DNAH9: variants seen among roughly 807,000 people sequenced by gnomAD.
The protein encoded by DNAH9 is dynein axonemal heavy chain 9, also known as DNAH9 variant protein.
In DNAH9, 345 loss-of-function variants were observed where a neutral mutation model predicts 471.6. That is an observed-to-expected ratio of 0.73 (90% confidence interval 0.67 to 0.80). DNAH9 has a LOEUF of 0.80. Ranked by LOEUF, DNAH9 falls within the 30% of genes least tolerant of loss-of-function variation. The pLI, the probability that DNAH9 is intolerant of heterozygous loss-of-function variation, is 0.00. For missense variants in DNAH9, 5,407 were observed against 5,609.2 expected, an observed-to-expected ratio of 0.96 and a Z score of 1.15; for synonymous variants, 2,093 against 2,123.6, an observed-to-expected ratio of 0.99 and a Z score of 0.40.
intron 8 of DNAH9, among the ~76,000 whole-genome samples, chr17:11,636,240 G>A (rs1173948329): frequency 3.9e-5 from 6 of 152,192 alleles, no homozygotes; most frequent in Admixed American, 6.5e-5. Flanking sequence ...TCCTGACCTC[G>A]TGATCCACCC....
At chr17:11,777,459 A>G (rs537676526) in intron 38 of DNAH9, among the ~76,000 whole-genome samples, 1 of 152,246 alleles carries the variant, frequency 6.6e-6, no homozygotes, top group Non-Finnish European at 1.5e-5. Context: ...ATAAAGACCC[A>G]CAAGACAGAA....
chr17:11,664,958 G>A lies in DNAH9; in HGVS notation c.2721G>A (p.Leu907=). Residue 907 remains leucine, a synonymous_variant, in exon 15 of 69, where the codon CTG becomes CTA. Transcript: ENST00000262442. The part of the protein sequence containing the change: ...LAIECSLKYL[L]ENTECKAGLT... ...TTGAGTGCTCCCTCAAGTATCTTCTGGAAAATACTGGTACTTACTGGCTTA... is the reference window on the plus strand; with the variant it reads ...TTGAGTGCTCCCTCAAGTATCTTCTAGAAAATACTGGTACTTACTGGCTTA... The A allele has an allele frequency of 6.2e-7, 1 of 1,612,690 alleles. No homozygotes were observed. The highest frequency in any genetic ancestry group is 8.5e-7 in the Non-Finnish European group (1 of 1,179,182).
At chr17:11,829,644 G>C (rs1970620617) in intron 48 of DNAH9, among the ~76,000 whole-genome samples, 1 of 152,012 alleles carries the variant, frequency 6.6e-6, no homozygotes, top group Admixed American at 6.6e-5. Context: ...GCTAATTTTT[G>C]TATTTTTAGT....
chr17:11,846,017 T>A (rs1971211917), intron 49 of DNAH9, among the ~76,000 whole-genome samples: 1 of 152,186 alleles, frequency 6.6e-6, no homozygotes, highest in Non-Finnish European at 1.5e-5. Context: ...TTACATCCCA[T>A]TTGTCAGTTT....
chr17:11,868,996 CT>C (rs1477745542), intron 50 of DNAH9, 137 bp from the exon 51 acceptor site: 1 of 1,034,842 alleles, frequency 9.7e-7, no homozygotes, highest in African/African-American at 1.6e-5. Flanking sequence ...GTTCTCTGCC[CT>C]GCTTTCCCTG....
chr17:11,761,796 G>A lies in DNAH9; in HGVS notation c.6996-1644G>A, dbSNP rs539146551. 3.5e-4 allele frequency among the ~76,000 whole-genome samples: 54 copies of A among 152,234 alleles called. 1 individual carries two copies. In the South Asian group the frequency reaches 0.011, roughly 32 times the overall value. ...GGAAAGCAGCTACCTTCCCTGTGCA[G>A]GAGGGGACACTCATTGCCTACCCAG... On this transcript the variant is annotated intron_variant, in intron 35 of 68. Coordinates refer to ENST00000262442, the MANE Select transcript of DNAH9 (RefSeq NM_001372.4).
At chr17:11,700,758 C>T (rs769881137) in intron 23 of DNAH9, among the ~76,000 whole-genome samples, 7 of 152,122 alleles carry the variant, frequency 4.6e-5, no homozygotes, top group East Asian at 1.9e-4. Context: ...TCCTGGTTTG[C>T]GCTTCATACT....
At chr17:11,779,225 T>G (rs1354804541) in intron 38 of DNAH9, among the ~76,000 whole-genome samples, 4 of 152,138 alleles carry the variant, frequency 2.6e-5, no homozygotes, top group Non-Finnish European at 4.4e-5. Context: ...GTTTCCAGGC[T>G]TGTTGAGAAC....
chr17:11,781,496 C>T (rs1968663784), intron 39 of DNAH9, among the ~76,000 whole-genome samples: 1 of 152,190 alleles, frequency 6.6e-6, no homozygotes, highest in East Asian at 1.9e-4. Flanking sequence ...AACCACTTCC[C>T]CTGCACCATG....
intron 51 of DNAH9, among the ~76,000 whole-genome samples, chr17:11,871,262 C>A (rs1187482935): frequency 2.0e-5 from 3 of 152,222 alleles, no homozygotes; most frequent in African/African-American, 7.2e-5. Context: ...GTTCCACAGA[C>A]CAGGTATTGT....
At chr17:11,757,404 C>T (rs2150859610) in intron 34 of DNAH9, 141 bp from the exon 35 acceptor site, 5 of 731,084 alleles carry the variant, frequency 6.8e-6, no homozygotes, top group East Asian at 5.4e-5. Flanking sequence ...CCCATTTACC[C>T]GCTCACATCT....
At chr17:11,815,461 A>G (rs1002181604) in intron 45 of DNAH9, among the ~76,000 whole-genome samples, 1 of 151,920 alleles carries the variant, frequency 6.6e-6, no homozygotes, top group Admixed American at 6.6e-5. Flanking sequence ...ACTCCAATCC[A>G]TTCTCCTCAC....
intron 52 of DNAH9, among the ~76,000 whole-genome samples, chr17:11,873,784 G>A (rs1207056822): frequency 2.1e-5 from 3 of 143,742 alleles, no homozygotes; most frequent in African/African-American, 7.9e-5. Context: ...TATGGGATTT[G>A]GGGGTGATGA....
chr17:11,685,335 C>G (rs544566032), intron 19 of DNAH9, among the ~76,000 whole-genome samples: 1 of 152,288 alleles, frequency 6.6e-6, no homozygotes, highest in South Asian at 2.1e-4. Context: ...ATGTAAGAAA[C>G]AGCTGGAAAA....
rs2073945593 is a variant in DNAH9, at chr17:11,669,781, C to G, written c.3340C>G (p.His1114Asp). 1 of 1,613,508 alleles carries G rather than the reference C, an allele frequency of 6.2e-7. No homozygotes were observed. The highest frequency in any genetic ancestry group is 1.1e-5 in the South Asian group (1 of 91,058). The change falls in exon 17 of 69, where the codon CAC becomes GAC. Residue 1114 changes from histidine to aspartate, a missense_variant. Transcript: ENST00000262442. ...SLLFKQHLVD[H>D]VTHSLANLDA... is the part of the protein sequence containing the mutation. Reference sequence around the variant, plus strand: ...CCTGTTCAAACAGCATCTTGTGGACCACGTCACTCACAGGTACAACAGTTG... The same window carrying G: ...CCTGTTCAAACAGCATCTTGTGGACGACGTCACTCACAGGTACAACAGTTG...
chr17:11,783,224 G>A lies in DNAH9; in HGVS notation c.7719-422G>A, dbSNP rs537497727. Among the ~76,000 whole-genome samples, 4 of 152,252 alleles carry A rather than the reference G, an allele frequency of 2.6e-5. No individual in the cohort carries two copies. The South Asian group carries it at 8.3e-4, about 32-fold the overall frequency. ...ATAAGTGGAAAAGAGGGATGAGGAA[G>A]GGGCATTACTGGCCCAACCAGAGAT... is the stretch of plus-strand genomic sequence containing the variant. On this transcript the variant is annotated intron_variant, in intron 39 of 68. Transcript: ENST00000262442.
Position 11,757,657 on chromosome 17 carries a change from G to A in DNAH9, c.6960G>A (p.Lys2320=). The part of the protein sequence containing the change: ...ERANLTILFD[K]YLPTCLDTLR... Reference sequence around the variant, plus strand: ...CCAACTTAACCATTTTGTTCGACAAGTATCTTCCAACCTGCCTAGACACAC... The same window carrying A: ...CCAACTTAACCATTTTGTTCGACAAATATCTTCCAACCTGCCTAGACACAC... The change falls in exon 35 of 69, where the codon AAG becomes AAA. Residue 2320 remains lysine, a synonymous_variant. Coordinates refer to ENST00000262442, the MANE Select transcript of DNAH9 (RefSeq NM_001372.4). 1 of 1,614,120 alleles carries A rather than the reference G, an allele frequency of 6.2e-7. No homozygotes were observed. The highest frequency in any genetic ancestry group is 8.5e-7 in the Non-Finnish European group (1 of 1,180,028).
At chr17:11,830,307 G>A (rs749107727) in intron 48 of DNAH9, among the ~76,000 whole-genome samples, 10 of 152,156 alleles carry the variant, frequency 6.6e-5, no homozygotes, top group Non-Finnish European at 1.5e-4. Flanking sequence ...ATTTAACTCA[G>A]GTGTAGTCAT....
At chr17:11,904,683 C>T (rs1283060438) in intron 60 of DNAH9, among the ~76,000 whole-genome samples, 1 of 130,638 alleles carries the variant, frequency 7.7e-6, no homozygotes, top group South Asian at 2.4e-4. Context: ...GGCTTGAAAA[C>T]AGTAGTGGGC....
Sources: gnomAD v4.1 joint callset for allele counts (sites outside exome capture counted in the v4.1 genomes callset) on GRCh38, gnomAD v4.1.1 for gene constraint, MANE v1.5 for transcripts, NCBI Gene and HGNC (gene_info 2026-07-23, HGNC 2026-07-21) for gene names.